Variants in TIPIN observed in about 807,000 individuals in gnomAD.
TIPIN encodes TIMELESS-interacting protein.
Under a neutral mutation model 35.6 loss-of-function variants are expected in TIPIN, and 29 were observed. That is an observed-to-expected ratio of 0.82 (90% CI 0.61 to 1.11). TIPIN has a LOEUF of 1.11. Ranked by LOEUF, TIPIN falls within the 50% of genes most tolerant of loss-of-function variation. The pLI is 0.00. For synonymous variants in TIPIN, 102 were observed against 121.5 expected (o/e 0.84, Z 1.06); for missense variants, 296 against 345.4 (o/e 0.86, Z 1.13).
At chr15:66,366,875 A>G in intron 1 of TIPIN, 1 of 985,226 alleles carries the variant, frequency 1.0e-6, no homozygotes, top group South Asian at 4.7e-5. Flanking sequence ...ATCCAGGGCA[A>G]CAGTAATAAA....
At chr15:66,357,883 G>C (rs1396610386), upstream of TIPIN, among the ~76,000 whole-genome samples, 2 of 151,972 alleles carry the variant, frequency 1.3e-5, no homozygotes, top group African/African-American at 4.8e-5. Context: ...TTGAACCTGG[G>C]AGGCAGAGGT....
intron 4 of TIPIN, among the ~76,000 whole-genome samples, chr15:66,349,639 G>A (rs539677321): frequency 9.2e-5 from 14 of 152,268 alleles, no homozygotes; most frequent in African/African-American, 2.9e-4. Flanking sequence ...AGCACTATGG[G>A]AGGCCTAGGG....
At chr15:66,346,756 AT>A (rs758889093) in intron 6 of TIPIN, among the ~76,000 whole-genome samples, 7 of 152,118 alleles carry the variant, frequency 4.6e-5, no homozygotes, top group Admixed American at 2.0e-4. Context: ...TACATACCAT[AT>A]TTTACCAAGA....
chr15:66,356,351 GC>G (rs943173164), intron 1 of TIPIN, among the ~76,000 whole-genome samples: 3 of 151,984 alleles, frequency 2.0e-5, no homozygotes, highest in Non-Finnish European at 2.9e-5. Context: ...ACATTGACAC[GC>G]CCCGGACAGA....
chr15:66,344,339 T>A (rs548962425), intron 6 of TIPIN, among the ~76,000 whole-genome samples: 1 of 152,060 alleles, frequency 6.6e-6, no homozygotes, highest in South Asian at 2.1e-4. Flanking sequence ...CATGGCCCTT[T>A]GGGAGATTGA....
intron 1 of TIPIN, among the ~76,000 whole-genome samples, chr15:66,367,179 C>CA (rs1285131977): frequency 1.7e-5 from 1 of 57,860 alleles, no homozygotes; most frequent in African/African-American, 4.3e-5. Flanking sequence ...GACTCTGTCT[C>CA]AAAAAAAAAT....
At chr15:66,386,179 C>T (rs2093337457) in intron 1 of TIPIN, among the ~76,000 whole-genome samples, 1 of 152,162 alleles carries the variant, frequency 6.6e-6, no homozygotes, top group African/African-American at 2.4e-5. Context: ...GTAATCCCAG[C>T]TACTCAGGAG....
chr15:66,358,372 A>G (rs898271741), upstream of TIPIN, among the ~76,000 whole-genome samples: 10 of 152,156 alleles, frequency 6.6e-5, no homozygotes, highest in African/African-American at 2.4e-4. Context: ...TGCCAAACCT[A>G]GAAGATAATT....
upstream of TIPIN, among the ~76,000 whole-genome samples, chr15:66,360,774 C>T (rs2093227525): frequency 6.6e-6 from 1 of 152,186 alleles, no homozygotes; most frequent in Non-Finnish European, 1.5e-5. Flanking sequence ...CAAGACCAGC[C>T]TGGCCAACAT....
chr15:66,364,874 G>A (rs79510854), intron 1 of TIPIN, among the ~76,000 whole-genome samples: 1 of 144,922 alleles, frequency 6.9e-6, no homozygotes, highest in East Asian at 2.1e-4. Flanking sequence ...GCTGAGGCAG[G>A]AGAATTGCTT....
chr15:66,339,145 A>G lies in TIPIN; in HGVS notation c.683-1964T>C, dbSNP rs1362556725. Among the ~76,000 whole-genome samples the G allele has an allele frequency of 5.4e-5, 3 of 55,140 alleles. No individual in the cohort carries two copies. The Admixed American group carries it at 5.7e-4, about 10-fold the overall frequency. The allele number at this position is 55,140 out of a possible 152,430, so 36.2% of individuals were successfully genotyped here. On this transcript the variant is annotated intron_variant, in intron 7 of 7. Coordinates refer to ENST00000261881, the MANE Select transcript of TIPIN (RefSeq NM_017858.3). Reference sequence around the variant, plus strand: ...AGACTCCATCTCAAAAAAAAAAAAAAAAAAAAAAAAAAGCAAAAAGAAAAA... The same window carrying G: ...AGACTCCATCTCAAAAAAAAAAAAAGAAAAAAAAAAAAGCAAAAAGAAAAA...
intron 6 of TIPIN, among the ~76,000 whole-genome samples, chr15:66,342,654 G>A (rs1027495744): frequency 2.6e-5 from 4 of 152,152 alleles, no homozygotes; most frequent in African/African-American, 9.7e-5. Context: ...GTGAGCCAAT[G>A]CACCCGGCCA....
chr15:66,375,074 T>G (rs989653743), intron 1 of TIPIN, among the ~76,000 whole-genome samples: 3 of 152,052 alleles, frequency 2.0e-5, no homozygotes, highest in Admixed American at 2.0e-4. Flanking sequence ...TGCGTAGGGG[T>G]TCTTCATATA....
chr15:66,384,601 T>G (rs2093329660), intron 1 of TIPIN, among the ~76,000 whole-genome samples: 1 of 151,896 alleles, frequency 6.6e-6, no homozygotes, highest in South Asian at 2.1e-4. Context: ...CCACCCAGAA[T>G]AATTTATTTT....
chr15:66,364,158 CTTTTTTTTTTTTTTT>C (rs747825457), intron 1 of TIPIN, among the ~76,000 whole-genome samples: 1 of 73,794 alleles, frequency 1.4e-5, no homozygotes, highest in Non-Finnish European at 2.4e-5. Flanking sequence ...TCTTTCTTTT[CTTTTTTTTTTTTTTT>C]TTTTTTTTTG....
chr15:66,337,441 C>T (rs111946431), intron 7 of TIPIN, among the ~76,000 whole-genome samples: 10 of 151,324 alleles, frequency 6.6e-5, no homozygotes, highest in African/African-American at 2.4e-4. Context: ...CCTGCCTCAG[C>T]CTCCCGAGTA....
intron 7 of TIPIN, among the ~76,000 whole-genome samples, chr15:66,340,465 C>A (rs1462953835): frequency 2.0e-5 from 3 of 152,010 alleles, no homozygotes; most frequent in East Asian, 1.9e-4. Flanking sequence ...GCATGAGCCA[C>A]TGCACCTGGC....
intron 1 of TIPIN, among the ~76,000 whole-genome samples, chr15:66,362,727 A>G (rs570713312): frequency 6.6e-6 from 1 of 152,312 alleles, no homozygotes; most frequent in East Asian, 1.9e-4. Flanking sequence ...CTCAAAAAAT[A>G]AATAAGTAAA....
intron 1 of TIPIN, chr15:66,380,088 G>A (rs1455315112): frequency 1.4e-5 from 5 of 364,072 alleles, no homozygotes; most frequent in Non-Finnish European, 2.5e-5. Flanking sequence ...TGCAACCTCC[G>A]CCTCTCAGGC....
Sources: allele counts gnomAD v4.1 joint callset (sites outside exome capture counted in the v4.1 genomes callset), GRCh38; gene constraint gnomAD v4.1.1; transcripts MANE v1.5; gene names NCBI Gene and HGNC (gene_info 2026-07-23, HGNC 2026-07-21).